The following FSTL4 variants were observed in gnomAD, a reference collection of about 807,000 sequenced individuals.
FSTL4 encodes follistatin-related protein 4.
FSTL4 carries 28 observed loss-of-function variants against 78.2 expected under a neutral mutation model. The ratio of observed to expected loss-of-function variants is 0.36; its 90% confidence interval spans 0.27 to 0.49. The LOEUF (loss-of-function observed/expected upper bound fraction) is 0.49, where lower values mean the gene tolerates loss of function less well. Among genes scored for constraint, FSTL4 ranks in the 20% least tolerant of loss-of-function variants. The probability of loss-of-function intolerance (pLI) is 0.98; values close to 1 mark genes in which losing one functional copy is unlikely to be tolerated. For missense variants in FSTL4, 922 were observed against 1,084.9 expected, an observed-to-expected ratio of 0.85 and a Z score of 2.11; for synonymous variants, 422 against 440.5, an observed-to-expected ratio of 0.96 and a Z score of 0.53.
chr5:133,499,369 TACACAC>T (rs57363602), intron 3 of FSTL4, among the ~76,000 whole-genome samples: 2,147 of 126,756 alleles, frequency 0.017, 42 homozygotes, highest in African/African-American at 0.047. Flanking sequence ...ACAAGGGGAA[TACACAC>T]ACACACACAC....
chr5:133,753,727 G>GTGTCTGTA, the FSTL4 span, among the ~76,000 whole-genome samples: 1 of 134,828 alleles, frequency 7.4e-6, no homozygotes, highest in Non-Finnish European at 1.6e-5. Flanking sequence ...GTGTGTGTGT[G>GTGTCTGTA]TAGTGGCAGG....
intron 11 of FSTL4, 61 bp downstream of exon 11, chr5:133,224,129 C>A: frequency 7.3e-7 from 1 of 1,372,544 alleles, no homozygotes. Context: ...GGAAAGACGG[C>A]CCATCATAGA....
chr5:133,199,253 T>A lies in FSTL4; in HGVS notation c.2371A>T (p.Thr791Ser), dbSNP rs1750237841. The A allele has an allele frequency of 6.2e-7, 1 of 1,613,690 alleles. No individual in the cohort carries two copies. The highest frequency in any genetic ancestry group is 8.5e-7 in the Non-Finnish European group (1 of 1,179,636). Residue 791 changes from threonine (T) to serine (S), a missense_variant, in exon 16 of 16, where the codon ACC (threonine) becomes TCC (serine). Coordinates refer to ENST00000265342, the MANE Select transcript of FSTL4 (RefSeq NM_015082.2). The surrounding 1 kb of genome is among the most constrained non-coding windows in gnomAD (Gnocchi z 4.4). Reference protein sequence around the residue: ...PAGPAQPWGGTHRIMRDSGLF... With the variant: ...PAGPAQPWGGSHRIMRDSGLF... Reference sequence around the variant, plus strand: ...CCACTGTCCCTCATGATTCTGTGGGTACCCCCCCAGGGCTGAGCTGGCCCT... The same window carrying A: ...CCACTGTCCCTCATGATTCTGTGGGAACCCCCCCAGGGCTGAGCTGGCCCT...
chr5:133,379,424 C>A (rs904986553), intron 4 of FSTL4, among the ~76,000 whole-genome samples: 7 of 151,702 alleles, frequency 4.6e-5, no homozygotes, highest in South Asian at 2.1e-4. Context: ...GCTGGAACAC[C>A]CTATTTAACA....
intron 2 of FSTL4, among the ~76,000 whole-genome samples, chr5:133,571,267 A>G (rs1250993884): frequency 1.3e-5 from 2 of 152,222 alleles, no homozygotes; most frequent in Non-Finnish European, 2.9e-5. Context: ...TTGAGTAGAT[A>G]AAGATGATAT....
chr5:133,837,774 G>A, the FSTL4 span, among the ~76,000 whole-genome samples: 4 of 152,214 alleles, frequency 2.6e-5, no homozygotes, highest in South Asian at 2.1e-4. Flanking sequence ...CAGGCATTTC[G>A]AGCCACTTTC....
chr5:133,475,298 T>C (rs1757906583), intron 3 of FSTL4, among the ~76,000 whole-genome samples: 1 of 152,254 alleles, frequency 6.6e-6, no homozygotes, highest in South Asian at 2.1e-4. Flanking sequence ...AAATTCATTA[T>C]TGAAAAGGGC....
At chr5:133,515,908 T>C (rs1209281546) in intron 3 of FSTL4, among the ~76,000 whole-genome samples, 4 of 152,158 alleles carry the variant, frequency 2.6e-5, no homozygotes, top group Admixed American at 6.5e-5. Flanking sequence ...TCTTAACTCA[T>C]TTTCAAAGTG....
At chr5:133,777,106 A>G in the FSTL4 span, among the ~76,000 whole-genome samples, 1 of 152,204 alleles carries the variant, frequency 6.6e-6, no homozygotes, top group Non-Finnish European at 1.5e-5. Flanking sequence ...TTTGGCTCAC[A>G]AGACAGGTGG....
chr5:133,798,196 T>C, the FSTL4 span, among the ~76,000 whole-genome samples: 2 of 152,218 alleles, frequency 1.3e-5, no homozygotes, highest in Non-Finnish European at 2.9e-5. Context: ...CCTTCTGAGG[T>C]TTCTTCCCCT....
At chr5:133,381,318 T>A (rs753712913) in intron 4 of FSTL4, among the ~76,000 whole-genome samples, 5 of 152,162 alleles carry the variant, frequency 3.3e-5, no homozygotes, top group African/African-American at 1.2e-4. Context: ...TATCCAGGAA[T>A]GAAAAGAACA....
At chr5:133,570,762 G>A (rs1222470072) in intron 2 of FSTL4, among the ~76,000 whole-genome samples, 1 of 152,168 alleles carries the variant, frequency 6.6e-6, no homozygotes, top group East Asian at 1.9e-4. Flanking sequence ...AGCAACAAAA[G>A]CAGCCAGAAT....
At chr5:133,646,212 G>A in the FSTL4 span, among the ~76,000 whole-genome samples, 1 of 152,162 alleles carries the variant, frequency 6.6e-6, no homozygotes, top group Admixed American at 6.5e-5. Context: ...CTTTGAGGAG[G>A]TGACCTCTGA....
the FSTL4 span, among the ~76,000 whole-genome samples, chr5:133,724,454 T>C: frequency 7.1e-6 from 1 of 140,980 alleles, no homozygotes; most frequent in Admixed American, 8.0e-5. Context: ...GTCCTTTTGG[T>C]TGAAATATAG....
intron 3 of FSTL4, among the ~76,000 whole-genome samples, chr5:133,411,776 CTTT>C (rs1239094395): frequency 2.0e-5 from 3 of 152,068 alleles, no homozygotes; most frequent in Admixed American, 6.6e-5. Flanking sequence ...ACAACGATCT[CTTT>C]TTGATGATTA....
intron 3 of FSTL4, among the ~76,000 whole-genome samples, chr5:133,550,393 C>T (rs1759666905): frequency 6.6e-6 from 1 of 152,112 alleles, no homozygotes; most frequent in Non-Finnish European, 1.5e-5. Context: ...GGCTTTCTAA[C>T]CCAATGCATT....
At chr5:133,392,946 A>ATG (rs1755888049) in intron 4 of FSTL4, among the ~76,000 whole-genome samples, 1 of 152,238 alleles carries the variant, frequency 6.6e-6, no homozygotes, top group Admixed American at 6.5e-5. Flanking sequence ...TGTGGAGCAC[A>ATG]CCACACATGC....
chr5:133,395,492 A>T (rs574692652), intron 4 of FSTL4, among the ~76,000 whole-genome samples: 19 of 152,286 alleles, frequency 1.2e-4, no homozygotes, highest in Middle Eastern at 3.4e-3. Flanking sequence ...TGTAACACTC[A>T]CCGCGCGGGT....
At chr5:133,317,585 G>A (rs963296754) in intron 4 of FSTL4, among the ~76,000 whole-genome samples, 1 of 152,250 alleles carries the variant, frequency 6.6e-6, no homozygotes, top group Admixed American at 6.5e-5. Context: ...TCCAAGGCCA[G>A]TTTAGGGCCT....
Sources: gnomAD v4.1 joint callset for allele counts (sites outside exome capture counted in the v4.1 genomes callset) on GRCh38, gnomAD v4.1.1 for gene constraint, Gnocchi (gnomAD v3.1) non-coding constraint, MANE v1.5 for transcripts, NCBI Gene and HGNC (gene_info 2026-07-23, HGNC 2026-07-21) for gene names.